TTC29: variants seen among roughly 807,000 people sequenced by gnomAD.
The protein encoded by TTC29 is tetratricopeptide repeat protein 29.
A neutral mutation model predicts 58.1 loss-of-function variants in TTC29; 49 were observed. The observed-to-expected ratio is 0.84, with a 90% confidence interval of 0.67 to 1.07. The LOEUF (loss-of-function observed/expected upper bound fraction) is 1.07. Among genes scored for constraint, TTC29 ranks in the 50% least tolerant of loss-of-function variants. The pLI, the probability that TTC29 is intolerant of heterozygous loss-of-function variation, is 0.00. For synonymous variants in TTC29, 209 were observed against 196.8 expected, an observed-to-expected ratio of 1.06 and a Z score of -0.52; for missense variants, 582 against 555.6, an observed-to-expected ratio of 1.05 and a Z score of -0.48.
rs985498213 is a variant in TTC29 at position 146,707,312 on chromosome 4, C to A, written c.1398-124G>T. 4 of 792,386 alleles carry A rather than the reference C, an allele frequency of 5.0e-6. No individual in the cohort carries two copies. The South Asian group carries it at 6.5e-5, about 13-fold the overall frequency. 49.1% of individuals were successfully genotyped at this position (792,386 alleles called of 1,614,324 possible). A position where few individuals can be genotyped will look rare whatever the true frequency, so the allele number is the denominator to read the frequency against. On this transcript the variant is annotated intron_variant, in intron 12 of 12. Coordinates refer to ENST00000325106, the MANE Select transcript of TTC29 (RefSeq NM_031956.4). ...TGGCTTCAAAATTAAAAATACTTAA[C>A]CTTATGTGACATTTGAAAATAAATC...
At chr4:146,889,404 G>A (rs1732204707) in intron 6 of TTC29, among the ~76,000 whole-genome samples, 1 of 151,898 alleles carries the variant, frequency 6.6e-6, no homozygotes, top group African/African-American at 2.4e-5. Flanking sequence ...AACAATACAT[G>A]CACAAAGTAA....
intron 11 of TTC29, among the ~76,000 whole-genome samples, chr4:146,765,012 G>A (rs1285912352): frequency 6.6e-6 from 1 of 152,028 alleles, no homozygotes; most frequent in African/African-American, 2.4e-5. Context: ...CATTATTGGT[G>A]TATTTTTCTA....
chr4:146,841,690 A>G (rs1728860326), intron 8 of TTC29, among the ~76,000 whole-genome samples: 1 of 152,026 alleles, frequency 6.6e-6, no homozygotes, highest in Admixed American at 6.6e-5. Context: ...CTCTGAAGAC[A>G]CAGACCGGGC....
intron 11 of TTC29, among the ~76,000 whole-genome samples, chr4:146,721,135 G>C (rs12646869): frequency 6.6e-6 from 1 of 152,114 alleles, no homozygotes; most frequent in African/African-American, 2.4e-5. Flanking sequence ...GGGACACAGA[G>C]TTTCAAAACA....
intron 8 of TTC29, among the ~76,000 whole-genome samples, chr4:146,864,567 C>A (rs562156350): frequency 6.6e-6 from 1 of 152,236 alleles, no homozygotes; most frequent in South Asian, 2.1e-4. Flanking sequence ...GAAATATATT[C>A]TCTTCTAGCT....
chr4:146,867,593 A>T lies in TTC29; in HGVS notation c.800-10T>A, dbSNP rs2150209786. ...ATCTTTTTGTCACTTCCTGAAGTGA[A>T]GATGTAAAAAAATTACCAAGTATTC... is the stretch of plus-strand genomic sequence containing the variant. On this transcript the variant is annotated splice_polypyrimidine_tract_variant and intron_variant, in intron 7 of 12. Transcript: ENST00000325106. The T allele has an allele frequency of 7.1e-7, 1 of 1,404,962 alleles. No homozygotes were observed. The highest frequency in any genetic ancestry group is 2.5e-5 in the East Asian group (1 of 39,448). 87.0% of individuals were successfully genotyped at this position (1,404,962 alleles called of 1,614,324 possible). A position where few individuals can be genotyped will look rare whatever the true frequency, so the allele number is the denominator to read the frequency against.
At chr4:146,854,693 C>G (rs1408623837) in intron 8 of TTC29, among the ~76,000 whole-genome samples, 1 of 152,140 alleles carries the variant, frequency 6.6e-6, no homozygotes, top group Non-Finnish European at 1.5e-5. Flanking sequence ...TTCACTCACA[C>G]CGTCACTCTT....
chr4:146,741,723 TACCTA>T (rs1745166676), intron 11 of TTC29, among the ~76,000 whole-genome samples: 1 of 152,178 alleles, frequency 6.6e-6, no homozygotes, highest in South Asian at 2.1e-4. Context: ...ACAACTGCAA[TACCTA>T]AAACACTCTA....
chr4:146,939,032 G>T (rs1477275072), intron 3 of TTC29, among the ~76,000 whole-genome samples: 1 of 152,182 alleles, frequency 6.6e-6, no homozygotes, highest in Non-Finnish European at 1.5e-5. Flanking sequence ...GCAGTTTGAT[G>T]ATGCATTTTC....
intron 8 of TTC29, among the ~76,000 whole-genome samples, chr4:146,839,158 T>A (rs1339658237): frequency 6.6e-6 from 1 of 152,000 alleles, no homozygotes; most frequent in African/African-American, 2.4e-5. Context: ...TCGCATAATA[T>A]CACAATCAGG....
intron 11 of TTC29, among the ~76,000 whole-genome samples, chr4:146,742,645 T>TCCCTTCC: frequency 8.6e-6 from 1 of 116,798 alleles, no homozygotes; most frequent in Admixed American, 8.1e-5. Context: ...TCCTTCCTTC[T>TCCCTTCC]TTCCTTCCTT....
intron 6 of TTC29, among the ~76,000 whole-genome samples, chr4:146,894,454 C>G (rs36131826): frequency 0.28 from 42,256 of 149,366 alleles, 6,445 homozygotes; most frequent in South Asian, 0.41. Flanking sequence ...ACCACATGTT[C>G]TCACTCATAG....
At chr4:146,820,720 ATAT>A (rs1751756577) in intron 9 of TTC29, among the ~76,000 whole-genome samples, 1 of 152,192 alleles carries the variant, frequency 6.6e-6, no homozygotes, top group Non-Finnish European at 1.5e-5. Flanking sequence ...CTACAATGAA[ATAT>A]TATTCAGTCT....
intron 9 of TTC29, among the ~76,000 whole-genome samples, chr4:146,832,366 T>A (rs1344897790): frequency 6.6e-6 from 1 of 152,154 alleles, no homozygotes; most frequent in Non-Finnish European, 1.5e-5. Flanking sequence ...AATAGCTGAG[T>A]TGGTCTTCCA....
At chr4:146,863,891 C>A (rs1730403130) in intron 8 of TTC29, among the ~76,000 whole-genome samples, 1 of 152,078 alleles carries the variant, frequency 6.6e-6, no homozygotes, top group African/African-American at 2.4e-5. Context: ...CTATTGAAGT[C>A]CCCAATGGAT....
chr4:146,774,085 G>T (rs1747920062), intron 11 of TTC29, among the ~76,000 whole-genome samples: 1 of 151,868 alleles, frequency 6.6e-6, no homozygotes, highest in Non-Finnish European at 1.5e-5. Context: ...TGGAGGTCAT[G>T]ACTCATTTGT....
At chr4:146,790,067 T>C (rs982102203) in intron 11 of TTC29, among the ~76,000 whole-genome samples, 1 of 152,124 alleles carries the variant, frequency 6.6e-6, no homozygotes, top group Non-Finnish European at 1.5e-5. Context: ...GGATATCTTC[T>C]CCCCACCCTC....
At chr4:146,851,072 G>A (rs1184646803) in intron 8 of TTC29, among the ~76,000 whole-genome samples, 2 of 152,150 alleles carry the variant, frequency 1.3e-5, no homozygotes, top group African/African-American at 2.4e-5. Context: ...GATCTGTTAA[G>A]CCAGCTGTGG....
intron 10 of TTC29, among the ~76,000 whole-genome samples, chr4:146,809,475 T>G (rs1750860311): frequency 1.3e-5 from 2 of 149,600 alleles, no homozygotes; most frequent in Non-Finnish European, 1.5e-5. Context: ...AGAAAATTTT[T>G]GCAATCTAGC....
Sources: allele counts gnomAD v4.1 joint callset (sites outside exome capture counted in the v4.1 genomes callset), GRCh38; gene constraint gnomAD v4.1.1; transcripts MANE v1.5; gene names NCBI Gene and HGNC (gene_info 2026-07-23, HGNC 2026-07-21).